NCAPG2: variants seen among roughly 807,000 people sequenced by gnomAD.
The protein encoded by NCAPG2 is non-SMC condensin II complex subunit G2, also known as condensin-2 complex subunit G2.
A neutral mutation model predicts 141.1 loss-of-function variants in NCAPG2; 53 were observed. The ratio of observed to expected loss-of-function variants is 0.38; its 90% CI spans 0.30 to 0.47. The LOEUF is 0.47. Ranked by LOEUF, NCAPG2 falls within the 20% of genes least tolerant of loss-of-function variation. NCAPG2 has a pLI of 0.99. For synonymous variants in NCAPG2, 499 were observed against 490.7 expected, an observed-to-expected ratio of 1.02 and a Z score of -0.22; for missense variants, 1,087 against 1,389.0, an observed-to-expected ratio of 0.78 and a Z score of 3.46.
At chr7:158,641,559 G>GAA (rs74999655) in intron 27 of NCAPG2, 1,569 of 480,358 alleles carry the variant, frequency 3.3e-3, no homozygotes, top group South Asian at 9.6e-3. Context: ...TCATATCTTG[G>GAA]AAAAAAAAAA....
intron 1 of NCAPG2, among the ~76,000 whole-genome samples, chr7:158,703,370 C>T (rs2129469947): frequency 6.6e-6 from 1 of 152,326 alleles, no homozygotes; most frequent in South Asian, 2.1e-4. Context: ...GAACACTCTC[C>T]ACTTTTTCAT....
At chr7:158,650,076 C>G (rs1393199336) in intron 24 of NCAPG2, among the ~76,000 whole-genome samples, 1 of 152,084 alleles carries the variant, frequency 6.6e-6, no homozygotes, top group Non-Finnish European at 1.5e-5. Context: ...TTCTTTGAGA[C>G]GGAGTCTCGC....
At chr7:158,689,113 GT>G (rs1834967342) in intron 6 of NCAPG2, among the ~76,000 whole-genome samples, 1 of 152,086 alleles carries the variant, frequency 6.6e-6, no homozygotes, top group Non-Finnish European at 1.5e-5. Context: ...GAGCCTCTCT[GT>G]AATTCTCAAT....
In NCAPG2 at chr7:158,680,613, C is replaced by T. The variant is rs1326774150; in HGVS notation, c.1020+108G>A. 6.3e-6 allele frequency: 4 copies of T among 639,782 alleles called. No individual in the cohort carries two copies. The East Asian group carries it at 9.5e-5, about 15-fold the overall frequency. The allele number at this position is 639,782 out of a possible 1,614,324, so 39.6% of individuals were successfully genotyped here. ...TCAAAAATTTCAGAAAGCATTCAGT[C>T]TTCAGCCTTATCTTTACTATTTTAT... On this transcript the variant is annotated intron_variant, in intron 10 of 27. Transcript: ENST00000356309.
intron 2 of NCAPG2, among the ~76,000 whole-genome samples, chr7:158,701,019 A>G (rs1379597173): frequency 6.6e-6 from 1 of 152,200 alleles, no homozygotes; most frequent in African/African-American, 2.4e-5. Flanking sequence ...ACTACTGGCC[A>G]TCCGCTGGTG....
chr7:158,656,327 C>A lies in NCAPG2; in HGVS notation c.2321G>T (p.Arg774Leu), dbSNP rs191457466. 2 of 1,614,122 alleles carry A rather than the reference C, an allele frequency of 1.2e-6. No homozygotes were observed. The highest frequency in any genetic ancestry group is 1.7e-6 in the Non-Finnish European group (2 of 1,180,024). ...IEYLLTHPKN[R>L]ECLLSAPRKK... is the part of the protein sequence containing the mutation. ...CCGAGGAGCAGAGAGCAAGCACTCGCGGTTCTTTGGATGAGTCAGCAGATA... is the reference window on the plus strand; with the variant it reads ...CCGAGGAGCAGAGAGCAAGCACTCGAGGTTCTTTGGATGAGTCAGCAGATA... The change falls in exon 19 of 28, where the codon CGC (arginine) becomes CTC (leucine). Residue 774 changes from arginine to leucine, a missense_variant. Physicochemically the swap from Arg to Leu is moderately radical, Grantham distance 102 (BLOSUM62 -2). Transcript: ENST00000356309.
chr7:158,642,769 G>C (rs1362933570), intron 27 of NCAPG2, among the ~76,000 whole-genome samples: 2 of 151,884 alleles, frequency 1.3e-5, no homozygotes, highest in African/African-American at 4.8e-5. Flanking sequence ...GTAAAATCTA[G>C]AGCATAAATT....
intron 24 of NCAPG2, among the ~76,000 whole-genome samples, chr7:158,647,108 A>G (rs6970571): frequency 0.92 from 139,413 of 152,234 alleles, 63,875 homozygotes; most frequent in East Asian, 0.97. Flanking sequence ...ATTACTCAAT[A>G]AGTCTTTCAT....
At chr7:158,649,964 A>T (rs1326910549) in intron 24 of NCAPG2, among the ~76,000 whole-genome samples, 1 of 152,260 alleles carries the variant, frequency 6.6e-6, no homozygotes, top group Admixed American at 6.5e-5. Flanking sequence ...CTTCTGTATT[A>T]ATAATCATCT....
intron 13 of NCAPG2, among the ~76,000 whole-genome samples, chr7:158,669,768 C>CAAAAAAAAAAAAAAAAA (rs567875836): frequency 5.6e-5 from 3 of 53,680 alleles, no homozygotes; most frequent in African/African-American, 7.5e-5. Context: ...GACTCTGTCT[C>CAAAAAAAAAAAAAAAAA]AAAAAAAAAA....
chr7:158,632,480 C>T (rs1829956249), intron 27 of NCAPG2, among the ~76,000 whole-genome samples: 1 of 152,228 alleles, frequency 6.6e-6, no homozygotes, highest in Admixed American at 6.5e-5. Context: ...CCAAAGCAGT[C>T]TCCTCAGAGA....
chr7:158,661,277 A>G (rs1832483503), intron 16 of NCAPG2, among the ~76,000 whole-genome samples: 1 of 152,254 alleles, frequency 6.6e-6, no homozygotes, highest in African/African-American at 2.4e-5. Context: ...TGTGGTTCAT[A>G]AGACCTACGA....
intron 11 of NCAPG2, among the ~76,000 whole-genome samples, chr7:158,677,077 C>T (rs1834097237): frequency 6.6e-6 from 1 of 152,108 alleles, no homozygotes; most frequent in South Asian, 2.1e-4. Flanking sequence ...CCTGATGAGG[C>T]ATACAGGCCA....
intron 27 of NCAPG2, chr7:158,640,052 C>CAAAAAAAAAAAAAAAAAAAAAAGA (rs58368997): frequency 3.1e-5 from 3 of 98,324 alleles, no homozygotes; most frequent in South Asian, 3.2e-4. Flanking sequence ...GAATAAATGC[C>CAAAAAAAAAAAAAAAAAAAAAAGA]AAAAAAAAAA....
chr7:158,646,369 A>G, intron 25 of NCAPG2, 91 bp downstream of exon 25: 1 of 891,198 alleles, frequency 1.1e-6, no homozygotes, highest in East Asian at 3.0e-5. Flanking sequence ...TGTAGCTTTG[A>G]AAAACTTGAG....
At chr7:158,681,388 C>T (rs1834446989) in intron 9 of NCAPG2, among the ~76,000 whole-genome samples, 2 of 152,218 alleles carry the variant, frequency 1.3e-5, no homozygotes, top group Admixed American at 1.3e-4. Context: ...TTCCTACTCA[C>T]TTCTTTTCCA....
At chr7:158,697,279 T>A (rs1219931701) in intron 2 of NCAPG2, among the ~76,000 whole-genome samples, 2 of 152,178 alleles carry the variant, frequency 1.3e-5, no homozygotes, top group Admixed American at 6.5e-5. Context: ...TATATTTGTG[T>A]CTTAGTTTTT....
chr7:158,656,689 T>C lies in NCAPG2; in HGVS notation c.2077A>G (p.Thr693Ala), dbSNP rs773362907. Residue 693 changes from threonine (T) to alanine (A), a missense_variant, in exon 18 of 28, where the codon ACG (threonine) becomes GCG (alanine). By Grantham distance (58) the Thr-to-Ala change is moderately conservative. Coordinates refer to ENST00000356309, the MANE Select transcript of NCAPG2 (RefSeq NM_017760.7). ...GCGCCCTCCTCCCGGCTTCTCAGCG[T>C]GGAAATCACACCACAGCTGAAAATG... Reference protein sequence around the residue: ...VPPFSCGVISTLRSREEGAVD... With the variant: ...VPPFSCGVISALRSREEGAVD... 4 of 1,613,868 alleles carry C rather than the reference T, an allele frequency of 2.5e-6. No individual in the cohort carries two copies. In the African/African-American group the frequency reaches 5.3e-5, roughly 22 times the overall value.
At chr7:158,641,287 CT>C (rs1368346954) in intron 27 of NCAPG2, 1 of 388,892 alleles carries the variant, frequency 2.6e-6, no homozygotes, top group East Asian at 3.7e-5. Flanking sequence ...ATTAATCCAA[CT>C]ATATCAATAA....
Sources: gnomAD v4.1 joint callset for allele counts (sites outside exome capture counted in the v4.1 genomes callset) on GRCh38, gnomAD v4.1.1 for gene constraint, MANE v1.5 for transcripts, NCBI Gene and HGNC (gene_info 2026-07-23, HGNC 2026-07-21) for gene names.